Variants in NLGN4X observed in about 807,000 individuals in gnomAD.
NLGN4X encodes neuroligin-4, X-linked.
In NLGN4X, 3 loss-of-function variants were observed where a neutral mutation model predicts 40.3. The observed-to-expected ratio is 0.07, with a 90% confidence interval of 0.03 to 0.19. The LOEUF (loss-of-function observed/expected upper bound fraction) is 0.19, where lower values mean the gene tolerates loss of function less well. NLGN4X is among the 10% of genes least tolerant of loss of function. The pLI is 1.00. For synonymous variants in NLGN4X, 270 were observed against 306.8 expected (o/e 0.88, Z 1.25); for missense variants, 382 against 708.3 (o/e 0.54, Z 5.23).
chrX:5,991,177 A>G, intron 3 of NLGN4X, among the ~76,000 whole-genome samples: 1 of 111,281 alleles, frequency 9.0e-6, no homozygotes, highest in Middle Eastern at 4.6e-3. Flanking sequence ...TCCCTGTGAG[A>G]TTCAAATGTT....
intron 3 of NLGN4X, among the ~76,000 whole-genome samples, chrX:5,979,563 T>C (rs1024588736): frequency 7.2e-5 from 8 of 110,397 alleles, no homozygotes; most frequent in African/African-American, 2.6e-4. Flanking sequence ...GGTATTTCAC[T>C]GTGGTTTCAT....
intron 1 of NLGN4X, among the ~76,000 whole-genome samples, chrX:6,189,457 A>C (rs1279480462): frequency 1.8e-5 from 2 of 112,020 alleles, no homozygotes; most frequent in African/African-American, 3.2e-5. Flanking sequence ...GCAGTAGCTG[A>C]CTCTTGCAGA....
At chrX:6,090,041 C>T (rs2038598867) in intron 2 of NLGN4X, among the ~76,000 whole-genome samples, 1 of 111,272 alleles carries the variant, frequency 9.0e-6, no homozygotes, top group African/African-American at 3.3e-5. Flanking sequence ...GAGAACAATC[C>T]CAACAAGAGT....
At chrX:5,902,201 C>T (rs943413887) in intron 5 of NLGN4X, among the ~76,000 whole-genome samples, 2 of 111,115 alleles carry the variant, frequency 1.8e-5, no homozygotes, top group East Asian at 2.8e-4. Flanking sequence ...GAGACCAGCT[C>T]GGGTGACACA....
At chrX:5,920,106 A>C (rs1373083494) in intron 3 of NLGN4X, among the ~76,000 whole-genome samples, 4 of 111,962 alleles carry the variant, frequency 3.6e-5, no homozygotes, top group Non-Finnish European at 7.5e-5. Flanking sequence ...AAATGAAAGG[A>C]AATGATGACA....
intron 3 of NLGN4X, among the ~76,000 whole-genome samples, chrX:5,929,423 A>G (rs1013622074): frequency 2.7e-5 from 3 of 111,932 alleles, no homozygotes; most frequent in Admixed American, 9.5e-5. Flanking sequence ...GCGCCACTGC[A>G]GTCCAGCCTG....
At chrX:6,048,943 C>T (rs1042214872) in intron 2 of NLGN4X, among the ~76,000 whole-genome samples, 3 of 107,155 alleles carry the variant, frequency 2.8e-5, no homozygotes, top group African/African-American at 1.0e-4. Flanking sequence ...ACCCCCATGG[C>T]ACACGTTTAC....
In NLGN4X at chrX:5,901,829, TATATATTTGTATTTGTATATACAA is replaced by T. The variant is rs752542951; in HGVS notation, c.1601+1224_1601+1247del. On this transcript the variant is annotated intron_variant, in intron 5 of 5. Transcript: ENST00000381095. ...ATATTGTATATATATAGTATTTGTA[TATATATTTGTATTTGTATATACAA>T]ATATATTTGTGTGTATATATATACA... is the stretch of plus-strand genomic sequence containing the variant. 7.0e-3 allele frequency among the ~76,000 whole-genome samples: 756 copies of T among 107,497 alleles called. 7 individuals carry two copies. The highest frequency in any genetic ancestry group is 0.024 in the African/African-American group (731 of 29,893). 93.3% of individuals were successfully genotyped at this position (107,497 alleles called of 115,157 possible).
chrX:6,116,605 C>A (rs1221347310), intron 2 of NLGN4X, among the ~76,000 whole-genome samples: 1 of 101,869 alleles, frequency 9.8e-6, no homozygotes, highest in Non-Finnish European at 2.0e-5. Context: ...GATTCTTCTA[C>A]CTCAGCCCCC....
intron 2 of NLGN4X, among the ~76,000 whole-genome samples, chrX:6,033,750 A>G (rs1452767906): frequency 8.9e-6 from 1 of 112,195 alleles, no homozygotes; most frequent in Non-Finnish European, 1.9e-5. Context: ...TTATGCTCTT[A>G]GTGCACAGAG....
intron 3 of NLGN4X, among the ~76,000 whole-genome samples, chrX:5,948,397 T>A (rs2034199528): frequency 8.9e-6 from 1 of 112,592 alleles, no homozygotes; most frequent in South Asian, 3.6e-4. Flanking sequence ...AGATTATAAA[T>A]AACATACGCC....
chrX:6,146,448 A>T (rs1434144486), intron 2 of NLGN4X, among the ~76,000 whole-genome samples: 1 of 111,632 alleles, frequency 9.0e-6, no homozygotes, highest in Non-Finnish European at 1.9e-5. Context: ...CTGGCTTATT[A>T]TCTACCTCTA....
intron 3 of NLGN4X, among the ~76,000 whole-genome samples, chrX:5,941,806 T>C (rs2033954364): frequency 8.9e-6 from 1 of 112,339 alleles, no homozygotes; most frequent in African/African-American, 3.2e-5. Context: ...TAAGGTAAAA[T>C]GAAAACTGTA....
intron 3 of NLGN4X, among the ~76,000 whole-genome samples, chrX:5,985,653 G>T (rs1395970296): frequency 9.0e-6 from 1 of 111,143 alleles, no homozygotes; most frequent in Non-Finnish European, 1.9e-5. Context: ...GCACAATTTA[G>T]GATAGAAGAC....
chrX:5,896,314 G>A (rs930952916), intron 5 of NLGN4X, among the ~76,000 whole-genome samples: 2 of 112,090 alleles, frequency 1.8e-5, no homozygotes, highest in Middle Eastern at 4.6e-3. Flanking sequence ...TAAAGATCTC[G>A]GAGATGCACA....
chrX:6,102,944 T>C (rs749970963), intron 2 of NLGN4X, among the ~76,000 whole-genome samples: 18 of 111,032 alleles, frequency 1.6e-4, no homozygotes, highest in Non-Finnish European at 2.8e-4. Flanking sequence ...ATCAGAAAAA[T>C]GACTCAATTA....
chrX:6,115,961 G>C (rs757820576), intron 2 of NLGN4X, among the ~76,000 whole-genome samples: 2 of 110,797 alleles, frequency 1.8e-5, no homozygotes, highest in East Asian at 5.7e-4. Flanking sequence ...GCGAGAAAGT[G>C]CTCTCACGGA....
chrX:6,114,054 A>T (rs1335809011), intron 2 of NLGN4X, among the ~76,000 whole-genome samples: 1 of 111,553 alleles, frequency 9.0e-6, no homozygotes, highest in Non-Finnish European at 1.9e-5. Context: ...CTCCTACCTC[A>T]AGTGATCCAC....
At chrX:6,163,724 C>T (rs1231048318) in intron 1 of NLGN4X, among the ~76,000 whole-genome samples, 1 of 111,949 alleles carries the variant, frequency 8.9e-6, no homozygotes, top group Non-Finnish European at 1.9e-5. Flanking sequence ...AGAATTAAGA[C>T]CACCAAGATT....
Sources: allele counts gnomAD v4.1 joint callset (sites outside exome capture counted in the v4.1 genomes callset), GRCh38; gene constraint gnomAD v4.1.1; transcripts MANE v1.5; gene names NCBI Gene and HGNC (gene_info 2026-07-23, HGNC 2026-07-21).